MITF: variants seen among roughly 807,000 people sequenced by gnomAD.
MITF encodes the protein microphthalmia-associated transcription factor.
MITF carries 17 observed loss-of-function variants against 60.5 expected under a neutral mutation model. The observed-to-expected ratio is 0.28, with a 90% CI of 0.19 to 0.42. The LOEUF (loss-of-function observed/expected upper bound fraction) is 0.42, where lower values mean the gene tolerates loss of function less well. Ranked by LOEUF, MITF falls within the 10% of genes least tolerant of loss-of-function variation. MITF has a pLI of 1.00. For synonymous variants in MITF, 260 were observed against 248.5 expected (o/e 1.05, Z -0.43); for missense variants, 622 against 683.5 (o/e 0.91, Z 1.00).
At chr3:69,933,949 T>G (rs2107466930) in intron 2 of MITF, among the ~76,000 whole-genome samples, 1 of 152,306 alleles carries the variant, frequency 6.6e-6, no homozygotes. Flanking sequence ...GCTTTTTAAG[T>G]TGTCAAAGGG....
At chr3:69,898,436 T>C (rs1031655506) in intron 2 of MITF, among the ~76,000 whole-genome samples, 1 of 152,220 alleles carries the variant, frequency 6.6e-6, no homozygotes, top group Non-Finnish European at 1.5e-5. Flanking sequence ...AGTCTGCTTC[T>C]AGAGCCAAGT....
At chr3:69,779,816 T>C (rs1268661054) in intron 1 of MITF, among the ~76,000 whole-genome samples, 3 of 152,208 alleles carry the variant, frequency 2.0e-5, no homozygotes, top group Non-Finnish European at 4.4e-5. Context: ...TAGTAACATT[T>C]AGTATAATTC....
At chr3:69,908,871 C>A (rs1005722784) in intron 2 of MITF, among the ~76,000 whole-genome samples, 3 of 152,116 alleles carry the variant, frequency 2.0e-5, no homozygotes, top group Admixed American at 6.5e-5. Flanking sequence ...TCCTTTGCAC[C>A]TATCAGTTTT....
intron 1 of MITF, among the ~76,000 whole-genome samples, chr3:69,768,767 T>C (rs1312292519): frequency 2.0e-5 from 3 of 152,154 alleles, no homozygotes; most frequent in Non-Finnish European, 4.4e-5. Flanking sequence ...ACATTCCCTA[T>C]CCAACCCAGA....
intron 2 of MITF, among the ~76,000 whole-genome samples, chr3:69,924,871 G>A (rs993628109): frequency 3.3e-5 from 5 of 152,130 alleles, no homozygotes; most frequent in Admixed American, 1.3e-4. Flanking sequence ...CAGCTCTAAC[G>A]TTCATGTTTT....
At chr3:69,778,560 C>A (rs1458299657) in intron 1 of MITF, among the ~76,000 whole-genome samples, 1 of 152,132 alleles carries the variant, frequency 6.6e-6, no homozygotes, top group Admixed American at 6.5e-5. Flanking sequence ...ATATTTGTCA[C>A]CTCATGGTTG....
At chr3:69,916,903 C>T (rs764061470) in intron 2 of MITF, among the ~76,000 whole-genome samples, 3 of 152,112 alleles carry the variant, frequency 2.0e-5, no homozygotes, top group Non-Finnish European at 4.4e-5. Context: ...TTAGTTAGCC[C>T]CTTGGTAAAT....
At chr3:69,921,917 G>T (rs2065476079) in intron 2 of MITF, among the ~76,000 whole-genome samples, 1 of 152,272 alleles carries the variant, frequency 6.6e-6, no homozygotes. Context: ...ATCACCGCTG[G>T]ACTCTCGCAT....
intron 2 of MITF, among the ~76,000 whole-genome samples, chr3:69,933,644 C>A (rs912964443): frequency 1.3e-5 from 2 of 152,098 alleles, no homozygotes; most frequent in Non-Finnish European, 2.9e-5. Flanking sequence ...TAAGTTATAT[C>A]AATAAATAAT....
intron 7 of MITF, among the ~76,000 whole-genome samples, chr3:69,954,327 T>C (rs1008306083): frequency 5.3e-5 from 8 of 152,138 alleles, no homozygotes; most frequent in South Asian, 2.1e-4. Flanking sequence ...ACATAACAAA[T>C]AGATCAATGG....
In MITF at chr3:69,879,335, G is replaced by A. The variant is rs750852256; in HGVS notation, c.306G>A (p.Val102=). ...AGACACCAGCCATAAACGTCAGTGT[G>A]CCCACCACCCTTCCCTCTGCCACGC... ...VSQTPAINVS[V]PTTLPSATQV... is the part of the protein sequence containing the mutation. Residue 102 remains valine (V), a synonymous_variant, in exon 2 of 10, where the codon GTG becomes GTA. Transcript: ENST00000352241. 12 of 1,614,088 alleles carry A rather than the reference G, an allele frequency of 7.4e-6. No individual in the cohort carries two copies. The South Asian group carries it at 8.8e-5, about 12-fold the overall frequency.
chr3:69,796,165 A>G (rs1236031827), intron 1 of MITF, among the ~76,000 whole-genome samples: 2 of 151,896 alleles, frequency 1.3e-5, no homozygotes, highest in African/African-American at 4.8e-5. Flanking sequence ...ATTTTTAGTA[A>G]AGACAGGGTT....
At chr3:69,854,956 G>A (rs1307992769) in intron 1 of MITF, among the ~76,000 whole-genome samples, 1 of 152,170 alleles carries the variant, frequency 6.6e-6, no homozygotes, top group Admixed American at 6.5e-5. Flanking sequence ...CTTCCTCTTA[G>A]TACTTCCCTG....
chr3:69,896,978 G>A (rs2064890028), intron 2 of MITF, among the ~76,000 whole-genome samples: 1 of 152,180 alleles, frequency 6.6e-6, no homozygotes, highest in African/African-American at 2.4e-5. Context: ...GGATGAGGGG[G>A]CATGGCACAT....
Position 69,966,595 on chromosome 3 carries a change from G to T in MITF, c.*1347G>T, listed in dbSNP as rs778853462. Reference sequence around the variant, plus strand: ...ATTTTTAAGAAAGAAATACTGTATTGGGAAGTTACTGTTACTTGATAACAA... The same window carrying T: ...ATTTTTAAGAAAGAAATACTGTATTTGGAAGTTACTGTTACTTGATAACAA... On this transcript the variant is annotated 3_prime_UTR_variant, in exon 10 of 10. Coordinates refer to ENST00000352241, the MANE Select transcript of MITF (RefSeq NM_001354604.2). 29 of 232,982 alleles carry T rather than the reference G, an allele frequency of 1.2e-4. No homozygotes were observed. The highest frequency in any genetic ancestry group is 2.2e-4 in the Non-Finnish European group (26 of 117,730). 14.4% of individuals were successfully genotyped at this position (232,982 alleles called of 1,614,324 possible). A position where few individuals can be genotyped will look rare whatever the true frequency, so the allele number is the denominator to read the frequency against.
intron 1 of MITF, among the ~76,000 whole-genome samples, chr3:69,813,407 T>A (rs553709887): frequency 6.6e-6 from 1 of 152,318 alleles, no homozygotes; most frequent in Non-Finnish European, 1.5e-5. Context: ...TCATTCCCTT[T>A]CTCAGAGTCA....
At chr3:69,843,890 C>T (rs1367176429) in intron 1 of MITF, among the ~76,000 whole-genome samples, 3 of 152,264 alleles carry the variant, frequency 2.0e-5, no homozygotes, top group South Asian at 2.1e-4. Flanking sequence ...CTTTCCCTCT[C>T]CTAGTCCCCC....
At chr3:69,771,907 C>G (rs1244728074) in intron 1 of MITF, among the ~76,000 whole-genome samples, 1 of 152,118 alleles carries the variant, frequency 6.6e-6, no homozygotes, top group Non-Finnish European at 1.5e-5. Flanking sequence ...GAATGGAAAA[C>G]TTTTCTACTT....
In MITF at chr3:69,848,671, A is replaced by G. The variant is rs76686909; in HGVS notation, c.105-30463A>G. On this transcript the variant is annotated intron_variant, in intron 1 of 9. Coordinates refer to ENST00000352241, the MANE Select transcript of MITF (RefSeq NM_001354604.2). ...GTGCAAAAGGGCTTTGCAAAAATTT[A>G]TGTTTTCAGATGCTTGTTGTGAACA... Among the ~76,000 whole-genome samples, 935 of 152,300 alleles carry G rather than the reference A, an allele frequency of 6.1e-3. 4 individuals are homozygous for G. Among genetic ancestry groups the G allele is most frequent in the African/African-American group, 0.021 (885 of 41,566 alleles).
Sources: gnomAD v4.1 joint callset for allele counts (sites outside exome capture counted in the v4.1 genomes callset) on GRCh38, gnomAD v4.1.1 for gene constraint, MANE v1.5 for transcripts, NCBI Gene and HGNC (gene_info 2026-07-23, HGNC 2026-07-21) for gene names.